The following ATP2B4 variants were observed in gnomAD, a reference collection of about 807,000 sequenced individuals.
ATP2B4 encodes plasma membrane calcium-transporting ATPase 4.
In ATP2B4, 39 loss-of-function variants were observed where a neutral mutation model predicts 110.3. The observed-to-expected ratio is 0.35, with a 90% CI of 0.27 to 0.46. The LOEUF is 0.46. Among genes scored for constraint, ATP2B4 ranks in the 20% least tolerant of loss-of-function variants. The pLI is 1.00. For synonymous variants in ATP2B4, 538 were observed against 571.7 expected (o/e 0.94, Z 0.84); for missense variants, 1,135 against 1,530.9 (o/e 0.74, Z 4.32).
intron 1 of ATP2B4, among the ~76,000 whole-genome samples, chr1:203,663,802 CTG>C (rs575509608): frequency 3.3e-5 from 5 of 152,236 alleles, no homozygotes; most frequent in Admixed American, 3.3e-4. Flanking sequence ...CGGTGTCTCA[CTG>C]TATTGCCCAG....
At chr1:203,642,259 A>AT (rs1240798663) in intron 1 of ATP2B4, among the ~76,000 whole-genome samples, 3 of 151,748 alleles carry the variant, frequency 2.0e-5, no homozygotes, top group Non-Finnish European at 4.4e-5. Flanking sequence ...TTAAAAAAAA[A>AT]TTTTTTTTAG....
Position 203,743,850 on chromosome 1 carries a change from T to G in ATP2B4, c.*3996T>G, listed in dbSNP as rs762032196. The G allele has an allele frequency of 1.3e-5, 2 of 152,468 alleles. No individual in the cohort carries two copies. The highest frequency in any genetic ancestry group is 2.9e-5 in the Non-Finnish European group (2 of 68,042). The allele number at this position is 152,468 out of a possible 1,614,324, so 9.4% of individuals were successfully genotyped here. On this transcript the variant is annotated 3_prime_UTR_variant, in exon 21 of 21. Coordinates refer to ENST00000357681, the MANE Select transcript of ATP2B4 (RefSeq NM_001684.5). ...AGTGCACCCAATCTATATTTGCATT[T>G]TGATATTATTTAAGCTCTATGTACA...
intron 20 of ATP2B4, among the ~76,000 whole-genome samples, chr1:203,730,340 G>A (rs532031404): frequency 6.6e-6 from 1 of 151,876 alleles, no homozygotes; most frequent in Non-Finnish European, 1.5e-5. Flanking sequence ...AATTTCCAGC[G>A]GGACCTACAC....
intron 14 of ATP2B4, among the ~76,000 whole-genome samples, 200 bp downstream of exon 14, chr1:203,713,452 T>C (rs1666071626): frequency 1.3e-5 from 2 of 151,932 alleles, no homozygotes; most frequent in Admixed American, 6.6e-5. Flanking sequence ...TGTTGGGTTT[T>C]TATTTTTTTT....
At chr1:203,655,026 G>A (rs1664115953) in intron 1 of ATP2B4, among the ~76,000 whole-genome samples, 2 of 152,156 alleles carry the variant, frequency 1.3e-5, no homozygotes, top group Non-Finnish European at 2.9e-5. Context: ...TTCAGTGGAG[G>A]AAATAACTGT....
chr1:203,733,936 G>A (rs187680824), intron 20 of ATP2B4, among the ~76,000 whole-genome samples: 2 of 152,270 alleles, frequency 1.3e-5, no homozygotes, highest in East Asian at 3.9e-4. Context: ...TGTCATAATT[G>A]AGCCAGTATT....
intron 1 of ATP2B4, among the ~76,000 whole-genome samples, chr1:203,644,432 A>T (rs1412547448): frequency 6.6e-6 from 1 of 152,170 alleles, no homozygotes; most frequent in African/African-American, 2.4e-5. Context: ...AATGACAGGC[A>T]GGGTGGTCTA....
intron 20 of ATP2B4, among the ~76,000 whole-genome samples, chr1:203,728,878 C>T (rs1276586872): frequency 2.1e-5 from 3 of 145,458 alleles, no homozygotes; most frequent in South Asian, 4.4e-4. Context: ...AAAGACTGGG[C>T]GCGGTGGTTC....
At chr1:203,726,031 G>T in intron 19 of ATP2B4, among the ~76,000 whole-genome samples, 1 of 137,600 alleles carries the variant, frequency 7.3e-6, no homozygotes, top group African/African-American at 2.8e-5. Context: ...TTCGAGACCA[G>T]CCTGGCCAAC....
chr1:203,710,203 T>TA (rs944529315), intron 11 of ATP2B4, among the ~76,000 whole-genome samples: 8 of 150,244 alleles, frequency 5.3e-5, no homozygotes, highest in South Asian at 2.1e-4. Context: ...CTGTCTCTAC[T>TA]AAAAAAAAAT....
intron 1 of ATP2B4, among the ~76,000 whole-genome samples, chr1:203,678,371 G>A (rs182372586): frequency 5.1e-4 from 76 of 148,598 alleles, no homozygotes; most frequent in African/African-American, 1.9e-3. Flanking sequence ...CTTGTCTCTG[G>A]CAGCTCCTCA....
intron 1 of ATP2B4, among the ~76,000 whole-genome samples, chr1:203,653,980 TATA>T (rs1446644739): frequency 0.049 from 1,332 of 27,266 alleles, 15 homozygotes; most frequent in South Asian, 0.1. Context: ...TATATATATA[TATA>T]TATTTTTTTT....
chr1:203,697,435 A>C (rs1474486682), intron 2 of ATP2B4, among the ~76,000 whole-genome samples: 3 of 152,254 alleles, frequency 2.0e-5, no homozygotes, highest in Admixed American at 2.0e-4. Context: ...TTCTATGTGA[A>C]TCCCAAGAAC....
intron 1 of ATP2B4, among the ~76,000 whole-genome samples, chr1:203,642,281 G>A (rs964827487): frequency 6.6e-6 from 1 of 152,072 alleles, no homozygotes; most frequent in Non-Finnish European, 1.5e-5. Context: ...AATGGGTCTT[G>A]CTATGTTGCT....
At chr1:203,681,920 C>T (rs1410133510) in intron 1 of ATP2B4, among the ~76,000 whole-genome samples, 5 of 120,450 alleles carry the variant, frequency 4.2e-5, no homozygotes, top group Admixed American at 1.0e-4. Flanking sequence ...AGAGGTCCTT[C>T]TGTCCCCTTT....
At chr1:203,709,643 A>G in intron 11 of ATP2B4, 101 bp downstream of exon 11, 1 of 1,549,156 alleles carries the variant, frequency 6.5e-7, no homozygotes. Flanking sequence ...GGAGCCCTCC[A>G]GCCAGGTGGT....
chr1:203,721,071 C>A, intron 16 of ATP2B4, 126 bp from the exon 17 acceptor site: 1 of 987,236 alleles, frequency 1.0e-6, no homozygotes, highest in Non-Finnish European at 1.5e-6. Flanking sequence ...AGCTTTCTCA[C>A]AGTCACTCAG....
intron 1 of ATP2B4, among the ~76,000 whole-genome samples, chr1:203,632,348 A>AT (rs35479403): frequency 7.7e-4 from 110 of 142,568 alleles, no homozygotes; most frequent in East Asian, 1.2e-3. Flanking sequence ...GAAGTAAGAA[A>AT]TTTTTTTTTT....
intron 1 of ATP2B4, among the ~76,000 whole-genome samples, chr1:203,647,349 T>A (rs1215629439): frequency 6.6e-6 from 1 of 152,094 alleles, no homozygotes; most frequent in Non-Finnish European, 1.5e-5. Context: ...GGCGGGAGGA[T>A]CCCTTGAGTC....
Sources: allele counts gnomAD v4.1 joint callset (sites outside exome capture counted in the v4.1 genomes callset), GRCh38; gene constraint gnomAD v4.1.1; transcripts MANE v1.5; gene names NCBI Gene and HGNC (gene_info 2026-07-23, HGNC 2026-07-21).